The following PDE4D variants were observed in gnomAD, a reference collection of about 807,000 sequenced individuals.
The protein encoded by PDE4D is phosphodiesterase 4D, also known as 3',5'-cyclic-AMP phosphodiesterase 4D.
Under a neutral mutation model 87.4 loss-of-function variants are expected in PDE4D, and 24 were observed. The ratio of observed to expected loss-of-function variants is 0.27; its 90% CI spans 0.20 to 0.39. PDE4D has a LOEUF of 0.39. Among genes scored for constraint, PDE4D ranks in the 10% least tolerant of loss-of-function variants. The probability of loss-of-function intolerance (pLI) is 1.00; values close to 1 mark genes in which losing one functional copy is unlikely to be tolerated. For synonymous variants in PDE4D, 384 were observed against 383.2 expected, an observed-to-expected ratio of 1.00 and a Z score of -0.02; for missense variants, 714 against 1,041.0, an observed-to-expected ratio of 0.69 and a Z score of 4.32.
chr5:59,018,941 C>CTTT (rs34235697), intron 6 of PDE4D, among the ~76,000 whole-genome samples: 149 of 138,852 alleles, frequency 1.1e-3, no homozygotes, highest in East Asian at 5.0e-3. Context: ...CCTGCCCCCT[C>CTTT]TTTTTTTTTT....
intron 6 of PDE4D, among the ~76,000 whole-genome samples, chr5:58,995,383 T>A (rs1748985193): frequency 6.6e-6 from 1 of 152,206 alleles, no homozygotes; most frequent in Non-Finnish European, 1.5e-5. Context: ...GGTTACTGCT[T>A]GTGTTCACTC....
intron 1 of PDE4D, among the ~76,000 whole-genome samples, chr5:59,881,381 T>C (rs1282743182): frequency 6.6e-6 from 1 of 152,214 alleles, no homozygotes; most frequent in Non-Finnish European, 1.5e-5. Context: ...GCCGTCTCCT[T>C]AAATATAACT....
chr5:59,234,709 C>T (rs1473338947), intron 1 of PDE4D, among the ~76,000 whole-genome samples: 1 of 152,104 alleles, frequency 6.6e-6, no homozygotes, highest in Non-Finnish European at 1.5e-5. Flanking sequence ...ATAACTTCTA[C>T]TCTTTTTTCA....
chr5:60,450,563 G>T (rs957798700), intron 1 of PDE4D, among the ~76,000 whole-genome samples: 3 of 151,936 alleles, frequency 2.0e-5, no homozygotes, highest in Non-Finnish European at 4.4e-5. Context: ...AATAACACAA[G>T]GTTAGAGACC....
intron 1 of PDE4D, among the ~76,000 whole-genome samples, chr5:59,485,922 A>G (rs1805060517): frequency 6.6e-6 from 1 of 152,044 alleles, no homozygotes; most frequent in Non-Finnish European, 1.5e-5. Context: ...TCTCTTTAAA[A>G]TGAGTTTGCT....
At chr5:59,322,631 T>C (rs1007694878) in intron 1 of PDE4D, among the ~76,000 whole-genome samples, 3 of 152,138 alleles carry the variant, frequency 2.0e-5, no homozygotes, top group African/African-American at 7.2e-5. Flanking sequence ...ATATTCACCA[T>C]CCTTTTCTTC....
At chr5:60,471,447 A>G (rs1233596674) in intron 1 of PDE4D, among the ~76,000 whole-genome samples, 1 of 152,198 alleles carries the variant, frequency 6.6e-6, no homozygotes, top group Non-Finnish European at 1.5e-5. Flanking sequence ...GAGAGGACTG[A>G]CAGCAATTTT....
At chr5:60,338,126 A>G (rs1561135159) in intron 1 of PDE4D, among the ~76,000 whole-genome samples, 1 of 152,176 alleles carries the variant, frequency 6.6e-6, no homozygotes, top group Non-Finnish European at 1.5e-5. Flanking sequence ...GCAGACGATC[A>G]GCTGCACAGG....
chr5:59,411,136 C>G (rs1038581732), intron 1 of PDE4D, among the ~76,000 whole-genome samples: 1 of 152,150 alleles, frequency 6.6e-6, no homozygotes, highest in Non-Finnish European at 1.5e-5. Flanking sequence ...TCCACCTTCC[C>G]CCCTTTTTAA....
At chr5:59,746,990 C>T (rs554725290) in intron 1 of PDE4D, among the ~76,000 whole-genome samples, 2 of 152,284 alleles carry the variant, frequency 1.3e-5, no homozygotes, top group Non-Finnish European at 2.9e-5. Flanking sequence ...AGTCTTTAAA[C>T]ATTTTAGCCC....
At chr5:59,533,342 A>C (rs546671130) in intron 1 of PDE4D, among the ~76,000 whole-genome samples, 1 of 152,258 alleles carries the variant, frequency 6.6e-6, no homozygotes, top group East Asian at 1.9e-4. Flanking sequence ...TATTTACTAG[A>C]AGACTAAAAA....
chr5:59,901,790 G>A (rs982833565), intron 3 of PDE4D, among the ~76,000 whole-genome samples: 3 of 152,046 alleles, frequency 2.0e-5, no homozygotes, highest in Non-Finnish European at 4.4e-5. Flanking sequence ...TTGAAAAGAT[G>A]TAGATCAATG....
chr5:59,189,304 C>A (rs2153483617), intron 3 of PDE4D, among the ~76,000 whole-genome samples: 1 of 124,290 alleles, frequency 8.0e-6, no homozygotes, highest in African/African-American at 3.1e-5. Flanking sequence ...GGATGGAGTG[C>A]AATGGCGCGA....
At chr5:59,193,349 G>A in intron 3 of PDE4D, 151 bp downstream of exon 3, 1 of 745,108 alleles carries the variant, frequency 1.3e-6, no homozygotes, top group Non-Finnish European at 2.3e-6. Context: ...ACTTTCTCTA[G>A]CATTGCTTTT....
At chr5:59,193,662 T>C (rs1383893805) in intron 2 of PDE4D, 126 bp from the exon 3 acceptor site, 4 of 1,490,962 alleles carry the variant, frequency 2.7e-6, no homozygotes, top group Non-Finnish European at 3.6e-6. Flanking sequence ...TCCATCCTTA[T>C]ACTTCAGCAC....
intron 1 of PDE4D, among the ~76,000 whole-genome samples, chr5:60,256,355 T>G (rs147892545): frequency 1.3e-5 from 2 of 152,122 alleles, no homozygotes; most frequent in African/African-American, 4.8e-5. Context: ...AAGAAAATTT[T>G]GTGAAACCAC....
chr5:60,049,610 T>C (rs1336882355), intron 2 of PDE4D, among the ~76,000 whole-genome samples: 1 of 152,154 alleles, frequency 6.6e-6, no homozygotes, highest in Non-Finnish European at 1.5e-5. Flanking sequence ...TGCAGGTCTG[T>C]TGGAGTACCC....
chr5:59,944,371 GT>G (rs1203528456), intron 3 of PDE4D, among the ~76,000 whole-genome samples: 1 of 150,286 alleles, frequency 6.7e-6, no homozygotes. Flanking sequence ...GTTTTTGTTC[GT>G]TTGTTTGTTT....
At chr5:59,881,590 CTACT>C (rs1749434170) in intron 1 of PDE4D, among the ~76,000 whole-genome samples, 1 of 152,082 alleles carries the variant, frequency 6.6e-6, no homozygotes, top group South Asian at 2.1e-4. Context: ...GAGTTGTTTT[CTACT>C]TACTTTTAAC....
Sources: allele counts gnomAD v4.1 joint callset (sites outside exome capture counted in the v4.1 genomes callset), GRCh38; gene constraint gnomAD v4.1.1; transcripts MANE v1.5; gene names NCBI Gene and HGNC (gene_info 2026-07-23, HGNC 2026-07-21).